TNKS: variants seen among roughly 807,000 people sequenced by gnomAD.
TNKS encodes poly [ADP-ribose] polymerase tankyrase-1.
TNKS carries 72 observed loss-of-function variants against 135.8 expected under a neutral mutation model. That is an observed-to-expected ratio of 0.53 (90% CI 0.44 to 0.64). The LOEUF (loss-of-function observed/expected upper bound fraction) is 0.64, where lower values mean the gene tolerates loss of function less well. Among genes scored for constraint, TNKS ranks in the 30% least tolerant of loss-of-function variants. TNKS has a pLI of 0.00. For missense variants in TNKS, 1,769 were observed against 1,674.0 expected, an observed-to-expected ratio of 1.06 and a Z score of -0.99; for synonymous variants, 849 against 649.3, an observed-to-expected ratio of 1.31 and a Z score of -4.68.
At chr8:9,701,043 C>G (rs1211471769) in intron 5 of TNKS, among the ~76,000 whole-genome samples, 1 of 151,750 alleles carries the variant, frequency 6.6e-6, no homozygotes, top group African/African-American at 2.4e-5. Context: ...ATACCATTCT[C>G]CTGCCTCAGC....
At chr8:9,682,228 T>C (rs1802811909) in intron 5 of TNKS, among the ~76,000 whole-genome samples, 1 of 152,106 alleles carries the variant, frequency 6.6e-6, no homozygotes, top group East Asian at 1.9e-4. Context: ...ACAGAGCTTG[T>C]TTCGCCCGGC....
At chr8:9,588,555 C>T (rs1336430416) in intron 2 of TNKS, among the ~76,000 whole-genome samples, 2 of 152,308 alleles carry the variant, frequency 1.3e-5, no homozygotes, top group South Asian at 2.1e-4. Flanking sequence ...GGATTATAGG[C>T]GTGAGCTGCC....
intron 2 of TNKS, among the ~76,000 whole-genome samples, chr8:9,604,243 C>A (rs1224478454): frequency 6.6e-6 from 1 of 152,156 alleles, no homozygotes. Flanking sequence ...GATTTCATCC[C>A]TGTTTTATTA....
chr8:9,632,623 A>G (rs936008694), intron 3 of TNKS, among the ~76,000 whole-genome samples: 5 of 152,190 alleles, frequency 3.3e-5, no homozygotes, highest in African/African-American at 1.2e-4. Context: ...TTTCACCTCT[A>G]CTTAGCTGTC....
chr8:9,760,322 T>C (rs1807079929), intron 20 of TNKS, among the ~76,000 whole-genome samples: 1 of 152,174 alleles, frequency 6.6e-6, no homozygotes, highest in African/African-American at 2.4e-5. Context: ...AATTATTGCT[T>C]AAATGGCCAC....
intron 2 of TNKS, among the ~76,000 whole-genome samples, chr8:9,602,454 C>A (rs1297718274): frequency 6.6e-6 from 1 of 152,202 alleles, no homozygotes; most frequent in Non-Finnish European, 1.5e-5. Flanking sequence ...GATACTGCCT[C>A]ATGACAGCTT....
intron 2 of TNKS, among the ~76,000 whole-genome samples, chr8:9,601,774 G>T (rs1211058488): frequency 6.6e-6 from 1 of 152,012 alleles, no homozygotes; most frequent in Non-Finnish European, 1.5e-5. Context: ...AATTTAGAAG[G>T]ATACTTAGAG....
At chr8:9,640,949 A>G (rs942511057) in intron 3 of TNKS, among the ~76,000 whole-genome samples, 1 of 145,994 alleles carries the variant, frequency 6.8e-6, no homozygotes, top group Non-Finnish European at 1.5e-5. Flanking sequence ...CTCATTTTCT[A>G]ATAGCATCCA....
At chr8:9,716,997 C>T (rs1180599026) in intron 11 of TNKS, among the ~76,000 whole-genome samples, 1 of 146,674 alleles carries the variant, frequency 6.8e-6, no homozygotes, top group African/African-American at 2.5e-5. Context: ...CACTTTTGCT[C>T]AGTTTGTTAT....
chr8:9,611,944 G>A (rs771232173), intron 2 of TNKS, among the ~76,000 whole-genome samples: 3 of 152,044 alleles, frequency 2.0e-5, no homozygotes, highest in African/African-American at 7.2e-5. Context: ...GATTCAGAGG[G>A]TGGGAGAAGA....
At chr8:9,610,101 C>T (rs1444997850) in intron 2 of TNKS, among the ~76,000 whole-genome samples, 1 of 152,122 alleles carries the variant, frequency 6.6e-6, no homozygotes, top group Non-Finnish European at 1.5e-5. Flanking sequence ...TCGTGATATG[C>T]TCACCTCAGC....
intron 3 of TNKS, among the ~76,000 whole-genome samples, chr8:9,649,351 G>A (rs1281764483): frequency 6.6e-6 from 1 of 152,206 alleles, no homozygotes; most frequent in East Asian, 1.9e-4. Context: ...TGGCGAATAA[G>A]ATGAGGCAAG....
chr8:9,580,703 A>G (rs146101622), intron 2 of TNKS, among the ~76,000 whole-genome samples: 1,556 of 152,292 alleles, frequency 0.01, 20 homozygotes, highest in African/African-American at 0.033. Context: ...AATGAGAGCC[A>G]TTATAAAGTA....
chr8:9,627,456 A>C (rs1007002043), intron 3 of TNKS, among the ~76,000 whole-genome samples: 4 of 152,076 alleles, frequency 2.6e-5, no homozygotes, highest in Non-Finnish European at 5.9e-5. Flanking sequence ...TGTGGGACTG[A>C]GCCCTCAACT....
chr8:9,764,721 A>T lies in TNKS; in HGVS notation c.3378A>T (p.Gln1126His). The change falls in exon 23 of 27, where the codon CAA becomes CAT. Residue 1126 changes from glutamine to histidine, a missense_variant. By Grantham distance (24) the Gln-to-His change is conservative. Around this residue, in one of 5 missense-constraint regions of TNKS, gnomAD observed 722 missense variants for 688.9 expected, o/e 1.05. Coordinates refer to ENST00000310430, the MANE Select transcript of TNKS (RefSeq NM_003747.3). The part of the protein sequence containing the change: ...KEYQSVEEEM[Q>H]STIREHRDGG... ...TTAGTTATTTTGTTCTGTAGATGCA[A>T]AGTACTATTCGAGAACACAGAGATG... 1 of 1,594,990 alleles carries T rather than the reference A, an allele frequency of 6.3e-7. No homozygotes were observed. Among genetic ancestry groups the T allele is most frequent in the Non-Finnish European group, 8.5e-7 (1 of 1,173,882 alleles).
At chr8:9,766,204 T>C in intron 24 of TNKS, 35 bp from the exon 25 acceptor site, 1 of 1,571,178 alleles carries the variant, frequency 6.4e-7, no homozygotes. Flanking sequence ...TAGAAAAGTG[T>C]TCAAAAACGA....
chr8:9,595,002 A>G (rs1403782720), intron 2 of TNKS, among the ~76,000 whole-genome samples: 3 of 152,196 alleles, frequency 2.0e-5, no homozygotes, highest in African/African-American at 4.8e-5. Context: ...TTAGTTGAAA[A>G]TTCAGTGAAG....
At position 9,770,273 on chromosome 8, in the gene TNKS, C is replaced by G; in HGVS notation, c.3897+11C>G. The G allele has an allele frequency of 1.2e-6, 2 of 1,601,128 alleles. No homozygotes were observed. Among genetic ancestry groups the G allele is most frequent in the Non-Finnish European group, 1.7e-6 (2 of 1,170,944 alleles). On this transcript the variant is annotated intron_variant, in intron 26 of 26. Coordinates refer to ENST00000310430, the MANE Select transcript of TNKS (RefSeq NM_003747.3). ...TACAGAGGAGAACAGGTATGTTACT[C>G]ATCAAACAAGCATAACCAAGTTCAC...
intron 5 of TNKS, among the ~76,000 whole-genome samples, chr8:9,696,096 T>C (rs773574499): frequency 8.5e-5 from 13 of 152,156 alleles, no homozygotes; most frequent in Non-Finnish European, 1.9e-4. Flanking sequence ...CAAAGAGGAC[T>C]AGGTTGGAGA....
Sources: allele counts gnomAD v4.1 joint callset (sites outside exome capture counted in the v4.1 genomes callset), GRCh38; gene constraint gnomAD v4.1.1; regional missense constraint gnomAD v4.1.1; transcripts MANE v1.5; gene names NCBI Gene and HGNC (gene_info 2026-07-23, HGNC 2026-07-21).